Variants in COL11A1 observed in about 807,000 individuals in gnomAD.
The protein encoded by COL11A1 is collagen type XI alpha 1 chain, also known as collagen alpha-1(XI) chain.
Under a neutral mutation model 265.2 loss-of-function variants are expected in COL11A1, and 74 were observed. The ratio of observed to expected loss-of-function variants is 0.28; its 90% confidence interval spans 0.23 to 0.34. The LOEUF is 0.34. Among genes scored for constraint, COL11A1 ranks in the 10% least tolerant of loss-of-function variants. The pLI is 1.00. For synonymous variants in COL11A1, 816 were observed against 727.6 expected (o/e 1.12, Z -1.96); for missense variants, 2,165 against 2,263.6 (o/e 0.96, Z 0.88).
At chr1:102,894,807 G>A (rs927921421) in intron 57 of COL11A1, among the ~76,000 whole-genome samples, 6 of 151,874 alleles carry the variant, frequency 4.0e-5, no homozygotes, top group African/African-American at 9.7e-5. Context: ...ACAGAGTCTC[G>A]CTCAGTCACC....
At chr1:102,899,178 A>G (rs929236156) in intron 54 of COL11A1, among the ~76,000 whole-genome samples, 184 bp from the exon 55 acceptor site, 2 of 152,050 alleles carry the variant, frequency 1.3e-5, no homozygotes, top group African/African-American at 4.8e-5. Context: ...TTCCTCTTAG[A>G]ATACTGAAAA....
chr1:102,880,010 AG>A, intron 65 of COL11A1, 94 bp from the exon 66 acceptor site: 1 of 836,314 alleles, frequency 1.2e-6, no homozygotes, highest in East Asian at 2.6e-5. Context: ...CTGTGATGCC[AG>A]AAGCATGTAG....
intron 46 of COL11A1, among the ~76,000 whole-genome samples, chr1:102,931,986 C>G (rs937031344): frequency 1.3e-5 from 2 of 150,264 alleles, no homozygotes; most frequent in Non-Finnish European, 3.0e-5. Context: ...CTATGTGTGT[C>G]TCTGCACGTG....
intron 41 of COL11A1, chr1:102,961,664 G>T: frequency 1.8e-6 from 1 of 545,414 alleles, no homozygotes; most frequent in South Asian, 2.0e-5. Context: ...AGCAGCAGAA[G>T]CAAATATTTC....
intron 5 of COL11A1, among the ~76,000 whole-genome samples, chr1:103,029,929 A>C (rs2101988292): frequency 6.6e-6 from 1 of 152,202 alleles, no homozygotes; most frequent in South Asian, 2.1e-4. Flanking sequence ...CTGTTGCTAA[A>C]AAGAATAATA....
At chr1:102,926,982 C>T (rs1489621921) in intron 46 of COL11A1, among the ~76,000 whole-genome samples, 3 of 152,006 alleles carry the variant, frequency 2.0e-5, no homozygotes, top group Admixed American at 6.6e-5. Flanking sequence ...TTATTTTGAC[C>T]TTAAAATGAG....
chr1:103,097,788 G>T (rs1673902667), intron 1 of COL11A1, among the ~76,000 whole-genome samples: 1 of 151,934 alleles, frequency 6.6e-6, no homozygotes, highest in Non-Finnish European at 1.5e-5. Flanking sequence ...AATGATTGCA[G>T]GTATTAATTA....
At chr1:102,948,108 A>G (rs1370825578) in intron 41 of COL11A1, among the ~76,000 whole-genome samples, 2 of 152,016 alleles carry the variant, frequency 1.3e-5, no homozygotes, top group African/African-American at 4.8e-5. Flanking sequence ...ACAAATTTAC[A>G]TTATTGACTT....
At chr1:102,966,724 T>C (rs1300443306) in intron 37 of COL11A1, among the ~76,000 whole-genome samples, 4 of 127,856 alleles carry the variant, frequency 3.1e-5, no homozygotes, top group African/African-American at 5.7e-5. Flanking sequence ...TAAACACATA[T>C]ATACATGTGT....
intron 17 of COL11A1, 40 bp from the exon 18 acceptor site, chr1:103,005,931 C>G (rs371701877): frequency 8.0e-5 from 106 of 1,322,662 alleles, no homozygotes; most frequent in Non-Finnish European, 1.1e-4. Flanking sequence ...TCATCATCAT[C>G]ACAATTCCAG....
Position 103,006,252 on chromosome 1 carries a change from T to G in COL11A1, c.1737+10A>C, listed in dbSNP as rs749014333. ...ATGCCTTCAAAATGCACAATGAAAA[T>G]AAGCCATACCCTTTTTCCAGGTTTT... On this transcript the variant is annotated intron_variant, in intron 16 of 66. Coordinates refer to ENST00000370096, the MANE Select transcript of COL11A1 (RefSeq NM_001854.4). The G allele has an allele frequency of 6.2e-7, 1 of 1,604,536 alleles. No individual in the cohort carries two copies. The highest frequency in any genetic ancestry group is 1.1e-5 in the South Asian group (1 of 89,974).
At chr1:103,033,381 T>C (rs1022804561) in intron 4 of COL11A1, among the ~76,000 whole-genome samples, 20 of 152,078 alleles carry the variant, frequency 1.3e-4, no homozygotes, top group Non-Finnish European at 2.1e-4. Flanking sequence ...TATCTTATGT[T>C]TTTACTATAG....
chr1:103,072,963 CTTTA>C (rs1324405215), intron 4 of COL11A1, among the ~76,000 whole-genome samples: 1 of 151,590 alleles, frequency 6.6e-6, no homozygotes, highest in African/African-American at 2.4e-5. Flanking sequence ...AGAGTAAGTT[CTTTA>C]TTCATTAACA....
intron 1 of COL11A1, among the ~76,000 whole-genome samples, chr1:103,099,384 G>A: frequency 6.6e-6 from 1 of 150,740 alleles, no homozygotes; most frequent in Non-Finnish European, 1.5e-5. Flanking sequence ...CTTGAAGAAT[G>A]AGTTTATTGA....
intron 44 of COL11A1, among the ~76,000 whole-genome samples, chr1:102,935,853 T>A (rs1658085714): frequency 6.6e-6 from 1 of 152,062 alleles, no homozygotes; most frequent in South Asian, 2.1e-4. Flanking sequence ...CCATTGGGAG[T>A]TCTTGATATG....
chr1:103,052,250 C>T (rs1223592596), intron 4 of COL11A1, among the ~76,000 whole-genome samples: 1 of 152,030 alleles, frequency 6.6e-6, no homozygotes, highest in Admixed American at 6.5e-5. Flanking sequence ...TTCACTGTCA[C>T]AAAAAGAATT....
intron 4 of COL11A1, among the ~76,000 whole-genome samples, chr1:103,037,200 G>A (rs34305103): frequency 0.08 from 12,028 of 149,996 alleles, 542 homozygotes; most frequent in Middle Eastern, 0.16. Context: ...TCTGTGCTAT[G>A]AATGTAATTA....
intron 7 of COL11A1, 71 bp downstream of exon 7, chr1:103,025,450 G>T: frequency 9.7e-7 from 1 of 1,034,548 alleles, no homozygotes; most frequent in Non-Finnish European, 1.5e-6. Flanking sequence ...TTCTTCCAGA[G>T]TGAAGTATAT....
intron 14 of COL11A1, 45 bp from the exon 15 acceptor site, chr1:103,008,561 C>T (rs1416625138): frequency 6.6e-7 from 1 of 1,519,854 alleles, no homozygotes; most frequent in East Asian, 2.3e-5. Context: ...TAGCAATTTC[C>T]TAACTACTTT....
Sources: allele counts gnomAD v4.1 joint callset (sites outside exome capture counted in the v4.1 genomes callset), GRCh38; gene constraint gnomAD v4.1.1; transcripts MANE v1.5; gene names NCBI Gene and HGNC (gene_info 2026-07-23, HGNC 2026-07-21).